EYA1: variants seen among roughly 807,000 people sequenced by gnomAD.
The protein encoded by EYA1 is EYA transcriptional coactivator and phosphatase 1.
A neutral mutation model predicts 82.0 loss-of-function variants in EYA1; 16 were observed. The observed-to-expected ratio is 0.20, with a 90% CI of 0.13 to 0.30. The LOEUF (loss-of-function observed/expected upper bound fraction) is 0.30. Ranked by LOEUF, EYA1 falls within the 10% of genes least tolerant of loss-of-function variation. The pLI is 1.00. For missense variants in EYA1, 633 were observed against 730.7 expected, an observed-to-expected ratio of 0.87 and a Z score of 1.54; for synonymous variants, 261 against 264.4, an observed-to-expected ratio of 0.99 and a Z score of 0.12.
chr8:71,322,139 TA>T (rs1400524190), intron 5 of EYA1, 59 bp downstream of exon 5: 2 of 1,410,300 alleles, frequency 1.4e-6, no homozygotes, highest in African/African-American at 2.8e-5. Flanking sequence ...GACATGACTT[TA>T]AATAAATAAA....
rs919992165 is a variant in EYA1 at position 71,198,523 on chromosome 8, T to A, written c.*817A>T. Reference sequence around the variant, plus strand: ...ATGAATTTGTGCACGTGCTGCCTCATGCTTCACTATCCAGGCATTGCTACC... The same window carrying A: ...ATGAATTTGTGCACGTGCTGCCTCAAGCTTCACTATCCAGGCATTGCTACC... On this transcript the variant is annotated 3_prime_UTR_variant, in exon 18 of 18. Transcript: ENST00000340726. The A allele has an allele frequency of 6.6e-6, 1 of 152,644 alleles. No individual in the cohort carries two copies. Among genetic ancestry groups the A allele is most frequent in the African/African-American group, 2.4e-5 (1 of 41,472 alleles). The allele number at this position is 152,644 out of a possible 1,614,324, so 9.5% of individuals were successfully genotyped here. A position where few individuals can be genotyped will look rare whatever the true frequency, so the allele number is the denominator to read the frequency against.
At chr8:71,463,814 C>G (rs1007842633) in intron 2 of EYA1, among the ~76,000 whole-genome samples, 2 of 152,066 alleles carry the variant, frequency 1.3e-5, no homozygotes, top group Non-Finnish European at 2.9e-5. Flanking sequence ...TTGCTGAATT[C>G]CTGAAGACAA....
At chr8:71,491,440 G>A (rs1488601317) in intron 2 of EYA1, among the ~76,000 whole-genome samples, 1 of 152,136 alleles carries the variant, frequency 6.6e-6, no homozygotes, top group Non-Finnish European at 1.5e-5. Flanking sequence ...TTCATATGCT[G>A]AAGCCCTAGC....
intron 9 of EYA1, among the ~76,000 whole-genome samples, chr8:71,295,553 A>G (rs1188699567): frequency 6.6e-6 from 1 of 152,230 alleles, no homozygotes; most frequent in East Asian, 1.9e-4. Flanking sequence ...AAAATCTAAA[A>G]CACTGACAAC....
intron 3 of EYA1, among the ~76,000 whole-genome samples, chr8:71,338,964 C>A (rs1356084112): frequency 2.6e-5 from 4 of 152,158 alleles, no homozygotes; most frequent in Non-Finnish European, 5.9e-5. Flanking sequence ...GCAGGGACTT[C>A]AAAAACTCAG....
At chr8:71,479,949 G>A (rs1319705510) in intron 2 of EYA1, among the ~76,000 whole-genome samples, 1 of 152,148 alleles carries the variant, frequency 6.6e-6, no homozygotes, top group Non-Finnish European at 1.5e-5. Context: ...GAAACAATGA[G>A]CTGGAAGAGA....
intron 3 of EYA1, among the ~76,000 whole-genome samples, chr8:71,342,162 C>T (rs1024944608): frequency 6.6e-6 from 1 of 152,150 alleles, no homozygotes. Context: ...GCCAGACTAA[C>T]ACCTAAAACA....
intron 2 of EYA1, among the ~76,000 whole-genome samples, chr8:71,524,548 A>G (rs1679151085): frequency 1.3e-5 from 2 of 152,246 alleles, no homozygotes; most frequent in African/African-American, 4.8e-5. Flanking sequence ...ATACTTTGAT[A>G]GAAATACAAC....
intron 7 of EYA1, among the ~76,000 whole-genome samples, chr8:71,307,513 T>C (rs1820860263): frequency 1.3e-5 from 2 of 152,180 alleles, no homozygotes; most frequent in African/African-American, 2.4e-5. Flanking sequence ...TAAAGGATTA[T>C]CTTAGAAATC....
At chr8:71,420,044 G>T (rs1223984917) in intron 2 of EYA1, among the ~76,000 whole-genome samples, 2 of 152,062 alleles carry the variant, frequency 1.3e-5, no homozygotes, top group East Asian at 3.8e-4. Flanking sequence ...TCCTTGAAAA[G>T]AAAAGGTGAT....
chr8:71,451,599 T>C (rs1807379672), intron 2 of EYA1, among the ~76,000 whole-genome samples: 1 of 152,228 alleles, frequency 6.6e-6, no homozygotes, highest in Admixed American at 6.5e-5. Flanking sequence ...AGGTTCTTCT[T>C]TAAAACTATT....
chr8:71,215,187 A>C lies in EYA1; in HGVS notation c.1597+200T>G, dbSNP rs530988213. Among the ~76,000 whole-genome samples the C allele has an allele frequency of 2.6e-5, 4 of 152,292 alleles. No individual in the cohort carries two copies. In the East Asian group the frequency reaches 7.7e-4, roughly 29 times the overall value. On this transcript the variant is annotated intron_variant, in intron 16 of 17. Coordinates refer to ENST00000340726, the MANE Select transcript of EYA1 (RefSeq NM_000503.6). ...TCTTAACGTTAGCCAGTCAAGTAAA[A>C]TTTTGTGACTTCAGCTACTGTATTA...
At chr8:71,351,041 T>G (rs1826258723) in intron 3 of EYA1, among the ~76,000 whole-genome samples, 1 of 152,172 alleles carries the variant, frequency 6.6e-6, no homozygotes, top group South Asian at 2.1e-4. Context: ...TCCTCTCAGA[T>G]TTGATGATCA....
At chr8:71,314,120 A>C (rs761490467) in intron 7 of EYA1, among the ~76,000 whole-genome samples, 4 of 152,236 alleles carry the variant, frequency 2.6e-5, no homozygotes, top group African/African-American at 4.8e-5. Context: ...AAATTGATAA[A>C]AGCAAATAAT....
chr8:71,369,218 A>C (rs1827948867), intron 2 of EYA1, among the ~76,000 whole-genome samples: 1 of 152,008 alleles, frequency 6.6e-6, no homozygotes, highest in Admixed American at 6.6e-5. Context: ...AAAAAAAAAA[A>C]AAAAACTTCT....
chr8:71,242,773 C>CTT (rs35413533), intron 12 of EYA1, among the ~76,000 whole-genome samples: 44 of 117,600 alleles, frequency 3.7e-4, no homozygotes, highest in South Asian at 8.0e-4. Context: ...AGTTTTGGCA[C>CTT]TTTTTTTTTT....
intron 2 of EYA1, among the ~76,000 whole-genome samples, chr8:71,452,559 T>C (rs1325704592): frequency 6.6e-6 from 1 of 152,112 alleles, no homozygotes; most frequent in Non-Finnish European, 1.5e-5. Context: ...TGGGTACCCC[T>C]CTGAGATGAA....
intron 9 of EYA1, among the ~76,000 whole-genome samples, chr8:71,274,301 C>T (rs913424614): frequency 2.0e-5 from 3 of 152,142 alleles, no homozygotes; most frequent in Admixed American, 1.3e-4. Context: ...TTCAAAATCC[C>T]TTCCTTTTCT....
At chr8:71,507,706 T>C (rs188222684) in intron 2 of EYA1, among the ~76,000 whole-genome samples, 29 of 152,328 alleles carry the variant, frequency 1.9e-4, no homozygotes, top group Non-Finnish European at 3.5e-4. Context: ...TATCCACTAA[T>C]ATGGAATGAC....
Sources: gnomAD v4.1 joint callset for allele counts (sites outside exome capture counted in the v4.1 genomes callset) on GRCh38, gnomAD v4.1.1 for gene constraint, MANE v1.5 for transcripts, NCBI Gene and HGNC (gene_info 2026-07-23, HGNC 2026-07-21) for gene names.